The following NTM variants were observed in gnomAD, a reference collection of about 807,000 sequenced individuals.
NTM encodes neurotrimin.
NTM carries 13 observed loss-of-function variants against 42.1 expected under a neutral mutation model. The ratio of observed to expected loss-of-function variants is 0.31; its 90% CI spans 0.20 to 0.49. The LOEUF (loss-of-function observed/expected upper bound fraction) is 0.49, where lower values mean the gene tolerates loss of function less well. Among genes scored for constraint, NTM ranks in the 20% least tolerant of loss-of-function variants. The pLI, the probability that NTM is intolerant of heterozygous loss-of-function variation, is 0.99. For synonymous variants in NTM, 187 were observed against 179.2 expected (o/e 1.04, Z -0.35); for missense variants, 373 against 452.8 (o/e 0.82, Z 1.60).
chr11:131,598,906 TC>T (rs1381410486), intron 1 of NTM, among the ~76,000 whole-genome samples: 1 of 138,382 alleles, frequency 7.2e-6, no homozygotes, highest in East Asian at 2.2e-4. Context: ...CTTCCTTCCT[TC>T]CTTCCTTCCT....
chr11:131,952,091 T>A (rs1412831039), intron 2 of NTM, among the ~76,000 whole-genome samples: 1 of 152,140 alleles, frequency 6.6e-6, no homozygotes, highest in South Asian at 2.1e-4. Flanking sequence ...CTCCTCCTCC[T>A]GAAATACTTC....
At chr11:132,158,313 G>T (rs750183386) in intron 3 of NTM, among the ~76,000 whole-genome samples, 34 of 152,320 alleles carry the variant, frequency 2.2e-4, no homozygotes, top group Non-Finnish European at 4.3e-4. Context: ...CCCATGCCAG[G>T]TGTCCTTGGG....
intron 1 of NTM, among the ~76,000 whole-genome samples, chr11:131,886,309 G>A (rs2050381913): frequency 6.6e-6 from 1 of 152,168 alleles, no homozygotes; most frequent in African/African-American, 2.4e-5. Context: ...GCAATGGAAG[G>A]GCCTTGGACC....
intron 1 of NTM, among the ~76,000 whole-genome samples, chr11:131,717,296 G>T (rs1049410530): frequency 6.6e-6 from 1 of 152,130 alleles, no homozygotes; most frequent in Non-Finnish European, 1.5e-5. Flanking sequence ...GATTGAAATT[G>T]TATTGAATTT....
intron 2 of NTM, among the ~76,000 whole-genome samples, chr11:131,941,338 AGC>A (rs1165050701): frequency 1.3e-5 from 2 of 152,138 alleles, no homozygotes; most frequent in Non-Finnish European, 2.9e-5. Flanking sequence ...TCCCTGCCCC[AGC>A]CACCACCCTT....
At chr11:131,635,102 G>A (rs1359491998) in intron 1 of NTM, among the ~76,000 whole-genome samples, 2 of 152,122 alleles carry the variant, frequency 1.3e-5, no homozygotes, top group East Asian at 3.9e-4. Flanking sequence ...CCATCGTAAC[G>A]TCATAGTGCA....
chr11:132,292,407 G>A (rs1162879759), intron 4 of NTM, among the ~76,000 whole-genome samples: 1 of 152,230 alleles, frequency 6.6e-6, no homozygotes, highest in Non-Finnish European at 1.5e-5. Context: ...CCCTCCTCCG[G>A]CCCCTCCCCC....
intron 4 of NTM, among the ~76,000 whole-genome samples, chr11:132,249,717 T>A (rs914581058): frequency 2.6e-5 from 4 of 152,236 alleles, no homozygotes; most frequent in African/African-American, 9.6e-5. Flanking sequence ...CTGAATGTGA[T>A]CTCTCACCCT....
At chr11:131,627,345 T>C (rs928989689) in intron 1 of NTM, among the ~76,000 whole-genome samples, 8 of 151,872 alleles carry the variant, frequency 5.3e-5, no homozygotes, top group African/African-American at 1.7e-4. Context: ...GAGGAAAGTA[T>C]AGCATTCGAG....
intron 3 of NTM, among the ~76,000 whole-genome samples, chr11:132,209,405 GTA>G (rs2082478604): frequency 6.6e-6 from 1 of 150,764 alleles, no homozygotes; most frequent in African/African-American, 2.4e-5. Context: ...GTGTGTATGT[GTA>G]TGTGTGTGTG....
chr11:131,710,576 T>C (rs1000822341), intron 1 of NTM, among the ~76,000 whole-genome samples: 7 of 152,174 alleles, frequency 4.6e-5, no homozygotes, highest in African/African-American at 1.7e-4. Context: ...AGTCAGTCCC[T>C]TGCCTTTAAT....
chr11:131,700,046 A>C (rs1254548350), intron 1 of NTM, among the ~76,000 whole-genome samples: 2 of 151,920 alleles, frequency 1.3e-5, no homozygotes, highest in Non-Finnish European at 2.9e-5. Context: ...GCTGGAAGCT[A>C]ATTGTGAAGC....
chr11:131,543,341 A>G (rs1468841037), intron 1 of NTM, among the ~76,000 whole-genome samples: 1 of 152,204 alleles, frequency 6.6e-6, no homozygotes, highest in East Asian at 1.9e-4. Flanking sequence ...TTCCAGAGAA[A>G]CAAGAGAACA....
At chr11:131,919,003 G>A (rs1266106731) in intron 2 of NTM, among the ~76,000 whole-genome samples, 2 of 152,110 alleles carry the variant, frequency 1.3e-5, no homozygotes, top group East Asian at 1.9e-4. Flanking sequence ...CTGGAATGCA[G>A]TATTGAACCA....
intron 4 of NTM, among the ~76,000 whole-genome samples, chr11:132,229,938 AG>A (rs1479079811): frequency 6.6e-6 from 1 of 152,248 alleles, no homozygotes; most frequent in Non-Finnish European, 1.5e-5. Flanking sequence ...ATTGCCATAT[AG>A]GCAAGAGAGC....
At chr11:131,455,628 T>C (rs1355368242) in intron 1 of NTM, among the ~76,000 whole-genome samples, 2 of 152,224 alleles carry the variant, frequency 1.3e-5, no homozygotes, top group Middle Eastern at 3.4e-3. Context: ...AAGTCCAGGC[T>C]CAAATAGAGG....
chr11:132,224,967 T>A (rs777212966), intron 4 of NTM, among the ~76,000 whole-genome samples: 6 of 152,222 alleles, frequency 3.9e-5, no homozygotes, highest in Admixed American at 6.5e-5. Flanking sequence ...GACTTGCTGA[T>A]GTCTGATTTA....
intron 2 of NTM, among the ~76,000 whole-genome samples, chr11:131,987,378 CCTATTCTATTCTATT>C (rs60741014): frequency 0.12 from 18,002 of 147,816 alleles, 1,364 homozygotes; most frequent in South Asian, 0.19. Flanking sequence ...TCCTATTCCT[CCTATTCTATTCTATT>C]CTATTCTATT....
chr11:132,169,145 C>T (rs1256562837), intron 3 of NTM, among the ~76,000 whole-genome samples: 1 of 151,834 alleles, frequency 6.6e-6, no homozygotes, highest in Admixed American at 6.6e-5. Flanking sequence ...GCCTCTGGTT[C>T]ATTCTTGTTT....
Sources: gnomAD v4.1 joint callset for allele counts (sites outside exome capture counted in the v4.1 genomes callset) on GRCh38, gnomAD v4.1.1 for gene constraint, MANE v1.5 for transcripts, NCBI Gene and HGNC (gene_info 2026-07-23, HGNC 2026-07-21) for gene names.